CSMD1: variants seen among roughly 807,000 people sequenced by gnomAD.
The protein encoded by CSMD1 is CUB and Sushi multiple domains 1.
A neutral mutation model predicts 417.5 loss-of-function variants in CSMD1; 213 were observed. The ratio of observed to expected loss-of-function variants is 0.51; its 90% CI spans 0.46 to 0.57. The LOEUF is 0.57. Ranked by LOEUF, CSMD1 falls within the 20% of genes least tolerant of loss-of-function variation. CSMD1 has a pLI of 0.00. For missense variants in CSMD1, 6,923 were observed against 4,529.7 expected, an observed-to-expected ratio of 1.53 and a Z score of -15.17; for synonymous variants, 2,862 against 1,736.8, an observed-to-expected ratio of 1.65 and a Z score of -16.11.
intron 6 of CSMD1, among the ~76,000 whole-genome samples, chr8:3,714,608 G>A (rs1446616954): frequency 1.4e-5 from 2 of 143,164 alleles, no homozygotes; most frequent in African/African-American, 5.2e-5. Context: ...ATGGTGGCGG[G>A]CGACTGTAGT....
intron 4 of CSMD1, among the ~76,000 whole-genome samples, chr8:4,019,508 A>C (rs1477157716): frequency 6.6e-6 from 1 of 152,128 alleles, no homozygotes; most frequent in Non-Finnish European, 1.5e-5. Flanking sequence ...CATGAATGTG[A>C]AGTTTGGTGG....
intron 5 of CSMD1, among the ~76,000 whole-genome samples, chr8:3,820,543 CT>C: frequency 6.6e-6 from 1 of 152,096 alleles, no homozygotes; most frequent in East Asian, 1.9e-4. Context: ...ATGCCTTTTT[CT>C]TCCATTTGTC....
intron 3 of CSMD1, among the ~76,000 whole-genome samples, chr8:4,032,642 G>A (rs1349506747): frequency 6.6e-6 from 1 of 152,160 alleles, no homozygotes; most frequent in Non-Finnish European, 1.5e-5. Flanking sequence ...CTCATGCATT[G>A]ATCCATCAAT....
At chr8:3,539,763 T>TTA (rs376350423) in intron 10 of CSMD1, among the ~76,000 whole-genome samples, 28 of 129,748 alleles carry the variant, frequency 2.2e-4, no homozygotes, top group Non-Finnish European at 3.9e-4. Flanking sequence ...TTCTTTATGA[T>TTA]AAAAAAAAAA....
chr8:4,410,662 C>T (rs1432828960), intron 3 of CSMD1, among the ~76,000 whole-genome samples: 1 of 151,818 alleles, frequency 6.6e-6, no homozygotes, highest in Non-Finnish European at 1.5e-5. Flanking sequence ...GAAATTTGCC[C>T]CTGACACAAG....
chr8:3,390,596 C>G (rs1394977647), intron 17 of CSMD1, among the ~76,000 whole-genome samples: 1 of 151,962 alleles, frequency 6.6e-6, no homozygotes, highest in Non-Finnish European at 1.5e-5. Context: ...TGTTCCCACT[C>G]CTTCTTACTT....
intron 2 of CSMD1, among the ~76,000 whole-genome samples, chr8:4,549,873 A>G (rs943540121): frequency 2.1e-4 from 28 of 130,548 alleles, no homozygotes; most frequent in African/African-American, 7.0e-4. Context: ...CTCCAGCCAG[A>G]GTGACAATCT....
intron 10 of CSMD1, among the ~76,000 whole-genome samples, chr8:3,532,009 C>A (rs1205943042): frequency 6.6e-6 from 1 of 152,216 alleles, no homozygotes; most frequent in Non-Finnish European, 1.5e-5. Context: ...ATGCAGATGG[C>A]ACACCTGGTC....
chr8:3,640,101 T>G lies in CSMD1; in HGVS notation c.1010-23304A>C, dbSNP rs138456798. Among the ~76,000 whole-genome samples the G allele has an allele frequency of 4.6e-5, 7 of 152,262 alleles. No homozygotes were observed. In the East Asian group the frequency reaches 1.4e-3, roughly 29 times the overall value. On this transcript the variant is annotated intron_variant, in intron 7 of 69. Transcript: ENST00000635120. ...ATTTTAAAAATTGAAGGCTCTCCCA[T>G]GTAGAGGTCCTTTTTTCCACCTGTC...
chr8:4,504,612 C>A (rs1025418158), intron 2 of CSMD1, among the ~76,000 whole-genome samples: 3 of 152,112 alleles, frequency 2.0e-5, no homozygotes, highest in African/African-American at 7.2e-5. Context: ...AGGCATTTGT[C>A]CTAACGCTCT....
At chr8:3,173,868 T>G (rs1240132444) in intron 37 of CSMD1, among the ~76,000 whole-genome samples, 1 of 152,200 alleles carries the variant, frequency 6.6e-6, no homozygotes, top group Admixed American at 6.5e-5. Context: ...TAAGGATTAT[T>G]GTAATTATAG....
chr8:4,160,625 G>A (rs552462790), intron 3 of CSMD1, among the ~76,000 whole-genome samples: 3 of 152,188 alleles, frequency 2.0e-5, no homozygotes, highest in East Asian at 1.9e-4. Flanking sequence ...CCACTTTCTT[G>A]CAGACACTCT....
chr8:3,980,459 G>C (rs527325873), intron 5 of CSMD1, among the ~76,000 whole-genome samples: 2 of 152,100 alleles, frequency 1.3e-5, no homozygotes, highest in Admixed American at 1.3e-4. Flanking sequence ...CGTTTGTGAA[G>C]ATTTTTTTTT....
intron 4 of CSMD1, among the ~76,000 whole-genome samples, chr8:4,029,950 C>A (rs551130256): frequency 6.6e-6 from 1 of 152,172 alleles, no homozygotes; most frequent in Non-Finnish European, 1.5e-5. Context: ...GTGGGGCAGT[C>A]AAATCTTAAA....
chr8:4,424,365 A>G (rs1404041959), intron 2 of CSMD1, among the ~76,000 whole-genome samples: 2 of 151,834 alleles, frequency 1.3e-5, no homozygotes, highest in Non-Finnish European at 2.9e-5. Context: ...CAATCCAATT[A>G]GAAAATAGGC....
At chr8:4,080,343 G>C (rs11781691) in intron 3 of CSMD1, among the ~76,000 whole-genome samples, 1 of 150,602 alleles carries the variant, frequency 6.6e-6, no homozygotes, top group Non-Finnish European at 1.5e-5. Context: ...CTTCACAAGT[G>C]AAAGGTGAAG....
At chr8:3,816,254 T>C (rs984402748) in intron 5 of CSMD1, among the ~76,000 whole-genome samples, 10 of 152,192 alleles carry the variant, frequency 6.6e-5, no homozygotes, top group African/African-American at 2.4e-4. Flanking sequence ...TTACGGTGCA[T>C]TCATTTTCTC....
chr8:4,204,960 T>C (rs941648473), intron 3 of CSMD1, among the ~76,000 whole-genome samples: 1 of 152,188 alleles, frequency 6.6e-6, no homozygotes, highest in Non-Finnish European at 1.5e-5. Context: ...GAATCTGGCC[T>C]ATAAAAATTG....
intron 26 of CSMD1, among the ~76,000 whole-genome samples, chr8:3,273,952 T>G (rs1802074450): frequency 6.6e-6 from 1 of 151,938 alleles, no homozygotes; most frequent in Non-Finnish European, 1.5e-5. Flanking sequence ...ATTTTAGTTA[T>G]TTCTTGCCTT....
Sources: allele counts gnomAD v4.1 joint callset (sites outside exome capture counted in the v4.1 genomes callset), GRCh38; gene constraint gnomAD v4.1.1; transcripts MANE v1.5; gene names NCBI Gene and HGNC (gene_info 2026-07-23, HGNC 2026-07-21).